Variants in ZYG11A observed in about 807,000 individuals in gnomAD.
ZYG11A encodes protein zyg-11 homolog A.
A neutral mutation model predicts 77.2 loss-of-function variants in ZYG11A; 62 were observed. The ratio of observed to expected loss-of-function variants is 0.80; its 90% CI spans 0.65 to 0.99. ZYG11A has a LOEUF of 0.99. Among genes scored for constraint, ZYG11A ranks in the 50% least tolerant of loss-of-function variants. ZYG11A has a pLI of 0.00. For synonymous variants in ZYG11A, 315 were observed against 324.6 expected, an observed-to-expected ratio of 0.97 and a Z score of 0.32; for missense variants, 828 against 896.8, an observed-to-expected ratio of 0.92 and a Z score of 0.98.
chr1:52,858,674 G>A (rs576672730), intron 3 of ZYG11A, among the ~76,000 whole-genome samples: 2 of 149,682 alleles, frequency 1.3e-5, no homozygotes, highest in South Asian at 2.1e-4. Context: ...GTGCAATGGC[G>A]CAATCTCGGC....
At chr1:52,873,634 A>G (rs1243554405) in intron 8 of ZYG11A, among the ~76,000 whole-genome samples, 3 of 152,228 alleles carry the variant, frequency 2.0e-5, no homozygotes, top group Non-Finnish European at 4.4e-5. Flanking sequence ...TTGACTTATT[A>G]TATAAACCTG....
chr1:52,892,849 C>T lies in ZYG11A; in HGVS notation c.2172C>T (p.His724=), dbSNP rs767997454. Residue 724 remains histidine (H), a synonymous_variant, in exon 14 of 14, where the codon CAC becomes CAT. Transcript: ENST00000371528. ...GLQLLCDIQE[H]SEATPKAQQI... The stretch of plus-strand genomic sequence containing the variant: ...AGCTTTTGTGTGATATCCAGGAGCA[C>T]AGTGAGGCAACCCCCAAAGCACAGC... 5 of 1,551,554 alleles carry T rather than the reference C, an allele frequency of 3.2e-6. No individual in the cohort carries two copies. In the African/African-American group the frequency reaches 5.5e-5, roughly 17 times the overall value.
chr1:52,865,579 C>T (rs989972334), intron 5 of ZYG11A, among the ~76,000 whole-genome samples: 1 of 152,082 alleles, frequency 6.6e-6, no homozygotes, highest in African/African-American at 2.4e-5. Flanking sequence ...TGTCCAACAA[C>T]AGGCGAATAG....
At chr1:52,876,528 A>T (rs1050606954) in intron 8 of ZYG11A, among the ~76,000 whole-genome samples, 11 of 152,206 alleles carry the variant, frequency 7.2e-5, no homozygotes. Flanking sequence ...GGTATCTGTC[A>T]TAGTAGTAAT....
intron 2 of ZYG11A, among the ~76,000 whole-genome samples, chr1:52,855,073 G>A (rs1207159923): frequency 5.3e-5 from 8 of 151,960 alleles, no homozygotes; most frequent in African/African-American, 1.9e-4. Flanking sequence ...CTTTGGTCAG[G>A]CTGGTCTTGA....
At chr1:52,857,782 T>C (rs1645843831) in intron 3 of ZYG11A, 33 bp downstream of exon 3, 2 of 1,496,308 alleles carry the variant, frequency 1.3e-6, no homozygotes. Flanking sequence ...TTTGTTTCAT[T>C]TGTTTAGAAC....
chr1:52,867,685 A>C (rs1428221716), intron 7 of ZYG11A, 42 bp from the exon 8 acceptor site: 1 of 1,550,940 alleles, frequency 6.4e-7, no homozygotes, highest in Middle Eastern at 1.7e-4. Context: ...TAGTTTTTAT[A>C]CAGGTTCCAT....
At chr1:52,844,406 A>T (rs1043186518) in intron 1 of ZYG11A, among the ~76,000 whole-genome samples, 4 of 152,092 alleles carry the variant, frequency 2.6e-5, no homozygotes, top group Non-Finnish European at 5.9e-5. Context: ...TCTCAAGCAC[A>T]TTTTTTCCTG....
At chr1:52,844,558 CTT>C (rs1645526464) in intron 1 of ZYG11A, among the ~76,000 whole-genome samples, 1 of 152,002 alleles carries the variant, frequency 6.6e-6, no homozygotes, top group Non-Finnish European at 1.5e-5. Flanking sequence ...TGCATGAATA[CTT>C]TTTTCCCTAT....
intron 8 of ZYG11A, among the ~76,000 whole-genome samples, chr1:52,873,090 C>T (rs767983668): frequency 5.3e-5 from 8 of 151,544 alleles, no homozygotes; most frequent in Admixed American, 3.3e-4. Context: ...GAGGCCAAGG[C>T]GAGCAGATTA....
chr1:52,868,880 T>TGCTA (rs1646081494), intron 8 of ZYG11A, among the ~76,000 whole-genome samples: 1 of 152,276 alleles, frequency 6.6e-6, no homozygotes, highest in South Asian at 2.1e-4. Context: ...TCGTTGCTCA[T>TGCTA]GCTAGCGTGC....
In ZYG11A at chr1:52,884,277, A is replaced by C. The variant is rs180788655; in HGVS notation, c.1945-1556A>C. ...TTTGGGAGGCCGAGGCGGGCAGATC[A>C]TGAGGTCTGGAGATCGAGATCCTCC... On this transcript the variant is annotated intron_variant, in intron 11 of 13. Transcript: ENST00000371528. Among the ~76,000 whole-genome samples the C allele has an allele frequency of 7.7e-4, 117 of 151,952 alleles. 1 individual carries two copies. Among genetic ancestry groups the C allele is most frequent in the Admixed American group, 7.5e-3 (115 of 15,256 alleles).
intron 10 of ZYG11A, among the ~76,000 whole-genome samples, chr1:52,879,747 C>CTTATTTATTTATTTAT (rs138737616): frequency 4.3e-4 from 62 of 143,054 alleles, no homozygotes; most frequent in South Asian, 9.2e-4. Context: ...TTCCACTTTT[C>CTTATTTATTTATTTAT]TTATTTATTT....
chr1:52,891,615 T>C (rs955733232), intron 13 of ZYG11A, among the ~76,000 whole-genome samples: 3 of 151,928 alleles, frequency 2.0e-5, no homozygotes, highest in Non-Finnish European at 2.9e-5. Context: ...TACTCCCGTA[T>C]ACCCCTACAG....
At chr1:52,865,846 T>C (rs1646015215) in intron 5 of ZYG11A, among the ~76,000 whole-genome samples, 1 of 151,766 alleles carries the variant, frequency 6.6e-6, no homozygotes, top group African/African-American at 2.4e-5. Context: ...CTGGGGGTGA[T>C]AGAAGTATTA....
chr1:52,885,732 GA>G, intron 11 of ZYG11A, 100 bp from the exon 12 acceptor site: 1 of 797,246 alleles, frequency 1.3e-6, no homozygotes, highest in Non-Finnish European at 2.0e-6. Flanking sequence ...TTGCCAAGTA[GA>G]TGTATCTAAA....
chr1:52,863,027 A>T (rs754983299), intron 4 of ZYG11A, among the ~76,000 whole-genome samples: 1 of 152,086 alleles, frequency 6.6e-6, no homozygotes, highest in Non-Finnish European at 1.5e-5. Flanking sequence ...ATTTCTTTTC[A>T]TACCAGGATT....
intron 13 of ZYG11A, among the ~76,000 whole-genome samples, chr1:52,891,359 G>A (rs946874269): frequency 3.3e-5 from 5 of 151,572 alleles, no homozygotes; most frequent in African/African-American, 4.9e-5. Context: ...TGTGTGTTAT[G>A]TTGAGTGGGG....
chr1:52,857,437 T>C lies in ZYG11A; in HGVS notation c.696T>C (p.Ser232=). The change falls in exon 3 of 14, where the codon TCT becomes TCC. Residue 232 remains serine, a synonymous_variant. Coordinates refer to ENST00000371528, the MANE Select transcript of ZYG11A (RefSeq NM_001004339.3). ...ALLTCKDRLK[S]LTMHYLKCLA... is the part of the protein sequence containing the mutation. ...TTACCTGTAAGGATCGATTGAAGTC[T>C]CTCACAATGCACTATCTGAAATGCC... is the stretch of plus-strand genomic sequence containing the variant. 3 of 1,552,146 alleles carry C rather than the reference T, an allele frequency of 1.9e-6. No individual in the cohort carries two copies. The highest frequency in any genetic ancestry group is 2.6e-6 in the Non-Finnish European group (3 of 1,147,088).
Sources: allele counts gnomAD v4.1 joint callset (sites outside exome capture counted in the v4.1 genomes callset), GRCh38; gene constraint gnomAD v4.1.1; transcripts MANE v1.5; gene names NCBI Gene and HGNC (gene_info 2026-07-23, HGNC 2026-07-21).